Variants in BCL11A observed in about 807,000 individuals in gnomAD.
BCL11A encodes the protein B cell CLL/lymphoma 11A.
In BCL11A, 2 loss-of-function variants were observed where a neutral mutation model predicts 55.9. The observed-to-expected ratio is 0.04, with a 90% CI of 0.01 to 0.11. The LOEUF (loss-of-function observed/expected upper bound fraction) is 0.11, where lower values mean the gene tolerates loss of function less well. BCL11A is among the 10% of genes least tolerant of loss of function. BCL11A has a pLI of 1.00. For missense variants in BCL11A, 817 were observed against 1,137.1 expected, an observed-to-expected ratio of 0.72 and a Z score of 4.05; for synonymous variants, 465 against 473.4, an observed-to-expected ratio of 0.98 and a Z score of 0.23.
intron 2 of BCL11A, among the ~76,000 whole-genome samples, chr2:60,509,620 A>C (rs1397306460): frequency 6.6e-6 from 1 of 152,206 alleles, no homozygotes; most frequent in Non-Finnish European, 1.5e-5. Context: ...GGATCAAAAG[A>C]TCAAGTTGTC....
chr2:60,515,201 AC>A (rs1558459984), intron 2 of BCL11A, among the ~76,000 whole-genome samples: 1 of 152,120 alleles, frequency 6.6e-6, no homozygotes, highest in Admixed American at 6.5e-5. Context: ...AGCCACAAAG[AC>A]ACCACCAGCT....
chr2:60,540,226 T>C (rs1249104018), intron 2 of BCL11A, among the ~76,000 whole-genome samples: 4 of 152,192 alleles, frequency 2.6e-5, no homozygotes, highest in African/African-American at 9.7e-5. Context: ...AGATGCTTGG[T>C]GATTAAATCT....
At chr2:60,498,016 G>A (rs1372921524) in intron 2 of BCL11A, among the ~76,000 whole-genome samples, 1 of 152,034 alleles carries the variant, frequency 6.6e-6, no homozygotes, top group East Asian at 1.9e-4. Flanking sequence ...GGCCCATGGA[G>A]GTGGGGAGAT....
intron 2 of BCL11A, among the ~76,000 whole-genome samples, chr2:60,503,880 C>G (rs1449831874): frequency 6.6e-6 from 1 of 152,096 alleles, no homozygotes; most frequent in South Asian, 2.1e-4. Flanking sequence ...TTCATCTAAA[C>G]CTCCTGAAAA....
chr2:60,500,709 C>G (rs958954054), intron 2 of BCL11A, among the ~76,000 whole-genome samples: 1 of 152,184 alleles, frequency 6.6e-6, no homozygotes, highest in Non-Finnish European at 1.5e-5. Flanking sequence ...AAACCTGGAA[C>G]TCACAGTCGG....
At chr2:60,521,105 A>AG (rs1558471745) in intron 2 of BCL11A, among the ~76,000 whole-genome samples, 6 of 64,468 alleles carry the variant, frequency 9.3e-5, no homozygotes, top group Non-Finnish European at 2.4e-4. Context: ...ACACACTCAC[A>AG]CACACACACA....
In BCL11A at chr2:60,461,099, G is replaced by A; in HGVS notation, c.1813C>T (p.Arg605Cys). The A allele has an allele frequency of 6.2e-7, 1 of 1,603,206 alleles. No homozygotes were observed. Among genetic ancestry groups the A allele is most frequent in the Non-Finnish European group, 8.5e-7 (1 of 1,174,256 alleles). ...DRIDDGTVNG[R>C]GCSPGESASG... ...GCCGACTCGCCCGGGGAGCAGCCGC[G>A]GCCATTAACAGTGCCATCGTCTATG... The change falls in exon 4 of 4, where the codon CGC becomes TGC. Residue 605 changes from arginine to cysteine, a missense_variant. By Grantham distance (180) the Arg-to-Cys change is radical. Transcript: ENST00000642384.
intron 2 of BCL11A, among the ~76,000 whole-genome samples, chr2:60,495,226 C>T (rs1286471247): frequency 6.6e-6 from 1 of 152,238 alleles, no homozygotes; most frequent in Non-Finnish European, 1.5e-5. Flanking sequence ...CCACCCACGC[C>T]CCCACCCTAA....
At chr2:60,490,469 G>A (rs530645404) in intron 2 of BCL11A, among the ~76,000 whole-genome samples, 185 of 152,226 alleles carry the variant, frequency 1.2e-3, no homozygotes, top group Non-Finnish European at 2.2e-3. Context: ...AATCCCTTCC[G>A]TTCTCATTTC....
At chr2:60,534,427 G>A (rs1573074647) in intron 2 of BCL11A, 1 of 152,346 alleles carries the variant, frequency 6.6e-6, no homozygotes, top group East Asian at 1.9e-4. Flanking sequence ...TCCAAAGGAG[G>A]AACCTGATGT....
Position 60,516,496 on chromosome 2 carries a change from A to T in BCL11A, c.385+29475T>A, listed in dbSNP as rs985385075. ...GCCTCCATGAAGTCGTCACTGGGAG[A>T]GGAGCCAAGAGGGAGGGGGCACCTT... On this transcript the variant is annotated intron_variant, in intron 2 of 3. Coordinates refer to ENST00000642384, the MANE Select transcript of BCL11A (RefSeq NM_022893.4). 2.6e-5 allele frequency among the ~76,000 whole-genome samples: 4 copies of T among 152,206 alleles called. No homozygotes were observed. The East Asian group carries it at 7.7e-4, about 29-fold the overall frequency.
downstream of BCL11A, chr2:60,452,508 T>C (rs574445071): frequency 2.3e-6 from 3 of 1,305,630 alleles, no homozygotes; most frequent in South Asian, 2.4e-5. Context: ...ACTAGCAGGA[T>C]GACAGACCAC....
At chr2:60,548,491 T>C (rs1422030214) in intron 1 of BCL11A, among the ~76,000 whole-genome samples, 1 of 152,150 alleles carries the variant, frequency 6.6e-6, no homozygotes, top group African/African-American at 2.4e-5. Context: ...CTGAACTGAT[T>C]TACAATCAAA....
At chr2:60,524,814 A>G (rs1186996769) in intron 2 of BCL11A, 3 of 152,232 alleles carry the variant, frequency 2.0e-5, no homozygotes, top group South Asian at 4.1e-4. Flanking sequence ...AAAACATTTC[A>G]TATCTCATTC....
chr2:60,456,128 G>A (rs951689890), downstream of BCL11A, among the ~76,000 whole-genome samples: 1 of 152,034 alleles, frequency 6.6e-6, no homozygotes, highest in Non-Finnish European at 1.5e-5. Flanking sequence ...CAGATAAAAG[G>A]CATGACATGA....
At chr2:60,489,106 C>T (rs1046118525) in intron 2 of BCL11A, among the ~76,000 whole-genome samples, 1 of 152,144 alleles carries the variant, frequency 6.6e-6, no homozygotes, top group African/African-American at 2.4e-5. Context: ...GCTGTGTGTC[C>T]TAAATAATAG....
intron 2 of BCL11A, among the ~76,000 whole-genome samples, chr2:60,491,632 T>C (rs973490752): frequency 5.0e-4 from 75 of 151,228 alleles, no homozygotes; most frequent in African/African-American, 1.7e-3. Context: ...GATCGCGCCA[T>C]TGCATTCCAG....
intron 2 of BCL11A, among the ~76,000 whole-genome samples, chr2:60,504,229 C>T (rs917519965): frequency 2.6e-5 from 4 of 152,216 alleles, no homozygotes; most frequent in Admixed American, 2.6e-4. Flanking sequence ...GTGGTTTCCC[C>T]AGCAATTCCA....
Position 60,553,207 on chromosome 2 carries a change from G to A in BCL11A, c.55+9C>T. 6.2e-7 allele frequency: 1 copy of A among 1,600,268 alleles called. No individual in the cohort carries two copies. The highest frequency in any genetic ancestry group is 8.5e-7 in the Non-Finnish European group (1 of 1,175,330). Reference sequence around the variant, plus strand: ...TAATAATTATTATTACTATTATTGGGTTACTTACGCGAGAATTCCCGTTTG... The same window carrying A: ...TAATAATTATTATTACTATTATTGGATTACTTACGCGAGAATTCCCGTTTG... On this transcript the variant is annotated intron_variant, in intron 1 of 3. Transcript: ENST00000642384.
Sources: gnomAD v4.1 joint callset for allele counts (sites outside exome capture counted in the v4.1 genomes callset) on GRCh38, gnomAD v4.1.1 for gene constraint, MANE v1.5 for transcripts, NCBI Gene and HGNC (gene_info 2026-07-23, HGNC 2026-07-21) for gene names.